TMEM151B: variants seen among roughly 807,000 people sequenced by gnomAD.
TMEM151B encodes the protein transmembrane protein 151B, also known as transmembrane protein 193.
A neutral mutation model predicts 33.0 loss-of-function variants in TMEM151B; 18 were observed. The ratio of observed to expected loss-of-function variants is 0.55; its 90% confidence interval spans 0.38 to 0.81. The LOEUF (loss-of-function observed/expected upper bound fraction) is 0.81. Ranked by LOEUF, TMEM151B falls within the 30% of genes least tolerant of loss-of-function variation. TMEM151B has a pLI of 0.00. For synonymous variants in TMEM151B, 354 were observed against 373.6 expected, an observed-to-expected ratio of 0.95 and a Z score of 0.61; for missense variants, 672 against 843.4, an observed-to-expected ratio of 0.80 and a Z score of 2.52.
chr6:44,274,922 T>C (rs572304332), intron 2 of TMEM151B, among the ~76,000 whole-genome samples: 1 of 151,892 alleles, frequency 6.6e-6, no homozygotes, highest in African/African-American at 2.4e-5. Context: ...ATCGAGACCA[T>C]TCTGGCCAAC....
chr6:44,275,997 G>T lies in TMEM151B; in HGVS notation c.1171G>T (p.Val391Leu), dbSNP rs1386789864. The change falls in exon 3 of 3, where the codon GTG becomes TTG. Residue 391 changes from valine (V) to leucine (L), a missense_variant. By Grantham distance (32) the Val-to-Leu change is conservative. Around this residue, in one of 3 missense-constraint regions of TMEM151B, gnomAD observed 324 missense variants for 363.1 expected, o/e 0.89. Transcript: ENST00000451188. ...GCTGGTGCCCAGCTACTCTGAGGCGGTGCTCATGGACCTGGCGGGGCTCGG... is the reference window on the plus strand; with the variant it reads ...GCTGGTGCCCAGCTACTCTGAGGCGTTGCTCATGGACCTGGCGGGGCTCGG... ...QQLVPSYSEAVLMDLAGLGTR... is the reference protein window; with the variant it reads ...QQLVPSYSEALLMDLAGLGTR... The T allele has an allele frequency of 7.0e-7, 1 of 1,424,018 alleles. No homozygotes were observed. The highest frequency in any genetic ancestry group is 2.7e-5 in the East Asian group (1 of 37,190). The allele number at this position is 1,424,018 out of a possible 1,614,324, so 88.2% of individuals were successfully genotyped here.
Position 44,276,049 on chromosome 6 carries a change from G to T in TMEM151B, c.1223G>T (p.Gly408Val). The change falls in exon 3 of 3, where the codon GGC becomes GTC. Residue 408 changes from glycine to valine, a missense_variant. By Grantham distance (109) the Gly-to-Val change is moderately radical (BLOSUM62 -3). Coordinates refer to ENST00000451188, the MANE Select transcript of TMEM151B (RefSeq NM_001137560.2). ...LGTRCGGAGGGYAPSCRYGGV... is the reference protein window; with the variant it reads ...LGTRCGGAGGVYAPSCRYGGV... ...ACGCGCTGCGGCGGGGCAGGCGGCG[G>T]CTACGCGCCCTCGTGCCGCTACGGT... 7.4e-7 allele frequency: 1 copy of T among 1,349,932 alleles called. No homozygotes were observed. Among genetic ancestry groups the T allele is most frequent in the South Asian group, 2.0e-5 (1 of 51,072 alleles). The allele number at this position is 1,349,932 out of a possible 1,614,324, so 83.6% of individuals were successfully genotyped here.
chr6:44,276,407 G>A lies in TMEM151B; in HGVS notation c.1581G>A (p.Pro527=), dbSNP rs1238533366. 1 of 1,513,190 alleles carries A rather than the reference G, an allele frequency of 6.6e-7. No individual in the cohort carries two copies. The allele number at this position is 1,513,190 out of a possible 1,614,324, so 93.7% of individuals were successfully genotyped here. Residue 527 remains proline, a synonymous_variant, in exon 3 of 3, where the codon CCG becomes CCA. Coordinates refer to ENST00000451188, the MANE Select transcript of TMEM151B (RefSeq NM_001137560.2). ...EDDDEEEAGP[P]PPYHDALYFP... is the part of the protein sequence containing the mutation. ...ACGACGAGGAGGAGGCCGGGCCGCC[G>A]CCGCCCTACCACGACGCCCTCTACT...
At chr6:44,273,649 G>A in intron 2 of TMEM151B, 143 bp downstream of exon 2, 2 of 915,816 alleles carry the variant, frequency 2.2e-6, no homozygotes, top group East Asian at 2.7e-5. Flanking sequence ...CAACAGCAGG[G>A]CAATAGCAAC....
Position 44,270,787 on chromosome 6 carries a change from C to A in TMEM151B, c.45C>A (p.Gly15=). 1 of 1,107,242 alleles carries A rather than the reference C, an allele frequency of 9.0e-7. No individual in the cohort carries two copies. 68.6% of individuals were successfully genotyped at this position (1,107,242 alleles called of 1,614,324 possible). Residue 15 remains glycine, a synonymous_variant, in exon 1 of 3, where the codon GGC becomes GGA. Coordinates refer to ENST00000451188, the MANE Select transcript of TMEM151B (RefSeq NM_001137560.2). ...GSAAGESAAG[G]GGGGGGPGVS... ...CCGCGGGAGAGAGCGCCGCCGGCGG[C>A]GGCGGCGGCGGTGGCGGCCCCGGGG...
At chr6:44,275,371 C>A in intron 2 of TMEM151B, 32 bp from the exon 3 acceptor site, 1 of 1,467,156 alleles carries the variant, frequency 6.8e-7, no homozygotes, top group Non-Finnish European at 9.0e-7. Context: ...ACGGGCTCCC[C>A]GCGACCCCGC....
intron 1 of TMEM151B, 62 bp from the exon 2 acceptor site, chr6:44,273,004 C>T: frequency 1.5e-6 from 2 of 1,370,444 alleles, no homozygotes; most frequent in Non-Finnish European, 1.9e-6. Context: ...CATCTCTGTG[C>T]TGGGTCCTGC....
chr6:44,276,562 G>T lies in TMEM151B; in HGVS notation c.*35G>T. ...CCGGAGTGGCCCGCGCCGTCCTCCC[G>T]CCTGCCCCTCGCCGGACTGTGCTCC... On this transcript the variant is annotated 3_prime_UTR_variant, in exon 3 of 3. Coordinates refer to ENST00000451188, the MANE Select transcript of TMEM151B (RefSeq NM_001137560.2). 1.5e-6 allele frequency: 2 copies of T among 1,335,690 alleles called. No individual in the cohort carries two copies. The highest frequency in any genetic ancestry group is 3.1e-5 in the African/African-American group (2 of 65,416). The allele number at this position is 1,335,690 out of a possible 1,614,324, so 82.7% of individuals were successfully genotyped here.
Position 44,273,438 on chromosome 6 carries a change from T to G in TMEM151B, c.508T>G (p.Tyr170Asp). 6.4e-7 allele frequency: 1 copy of G among 1,550,840 alleles called. No individual in the cohort carries two copies. ...CTGCATCTGGTGGAAGGCCATCAGC[T>G]ACCACTATGTCCGCCGCACCCGCCA... ...TPCIWWKAIS[Y>D]HYVRRTRQVT... Residue 170 changes from tyrosine to aspartate, a missense_variant, in exon 2 of 3, where the codon TAC becomes GAC. Transcript: ENST00000451188.
In TMEM151B at chr6:44,273,356, C is replaced by A; in HGVS notation, c.426C>A (p.His142Gln). The change falls in exon 2 of 3, where the codon CAC becomes CAA. Residue 142 changes from histidine (H) to glutamine (Q), a missense_variant. This residue lies in a region of TMEM151B where 285 missense variants were observed against 423.1 expected (regional missense o/e 0.67). Coordinates refer to ENST00000451188, the MANE Select transcript of TMEM151B (RefSeq NM_001137560.2). ...GCCAAGCCCGCCATGAGCTGCAGCA[C>A]CGTGTTGATGTGAGCAGTGTGCGGG... ...WHCQARHELQ[H>Q]RVDVSSVRER... 1 of 1,551,638 alleles carries A rather than the reference C, an allele frequency of 6.4e-7. No individual in the cohort carries two copies. Among genetic ancestry groups the A allele is most frequent in the Non-Finnish European group, 8.7e-7 (1 of 1,147,012 alleles).
chr6:44,273,671 T>C (rs892169690), intron 2 of TMEM151B, among the ~76,000 whole-genome samples, 165 bp downstream of exon 2: 12 of 152,236 alleles, frequency 7.9e-5, no homozygotes, highest in African/African-American at 2.9e-4. Context: ...ACCATAATCA[T>C]AACAGCAAAA....
Position 44,271,372 on chromosome 6 carries a change from G to GGGGGC in TMEM151B, c.135+499_135+500insCGGGG, listed in dbSNP as rs1234226495. 8.7e-4 allele frequency among the ~76,000 whole-genome samples: 104 copies of GGGGGC among 119,776 alleles called. 7 individuals are homozygous for GGGGGC. Among genetic ancestry groups the GGGGGC allele is most frequent in the African/African-American group, 3.2e-3 (97 of 30,084 alleles). 78.6% of individuals were successfully genotyped at this position (119,776 alleles called of 152,430 possible). On this transcript the variant is annotated intron_variant, in intron 1 of 2. Coordinates refer to ENST00000451188, the MANE Select transcript of TMEM151B (RefSeq NM_001137560.2). ...GGGAGTGTGTGTGTGTGTGTGTGGG[G>GGGGGC]GGGGGTGTGCACCTCTCTCTCACGA...
At position 44,276,503 on chromosome 6, in the gene TMEM151B, C is replaced by G. The variant is rs1365379508; in HGVS notation, c.1677C>G (p.Gly559=). 1.4e-6 allele frequency: 2 copies of G among 1,413,936 alleles called. No homozygotes were observed. Among genetic ancestry groups the G allele is most frequent in the South Asian group, 2.9e-5 (2 of 68,630 alleles). The allele number at this position is 1,413,936 out of a possible 1,614,324, so 87.6% of individuals were successfully genotyped here. ...GCCACCGGCCGCTGCACCGCCACGG[C>G]TCCTGCGTAGAGACCTCACTGTGAC... is the stretch of plus-strand genomic sequence containing the variant. ...GHSHRPLHRH[G]SCVETSL is the part of the protein sequence containing the mutation. The change falls in exon 3 of 3, where the codon GGC becomes GGG. Residue 559 remains glycine, a synonymous_variant. Coordinates refer to ENST00000451188, the MANE Select transcript of TMEM151B (RefSeq NM_001137560.2).
At chr6:44,275,244 G>T (rs1366774648) in intron 2 of TMEM151B, among the ~76,000 whole-genome samples, 159 bp from the exon 3 acceptor site, 2 of 152,224 alleles carry the variant, frequency 1.3e-5, no homozygotes, top group African/African-American at 4.8e-5. Flanking sequence ...AAGTCAGACG[G>T]AAAGATCCTA....
At chr6:44,274,966 A>T (rs1313692853) in intron 2 of TMEM151B, among the ~76,000 whole-genome samples, 1 of 151,960 alleles carries the variant, frequency 6.6e-6, no homozygotes, top group Non-Finnish European at 1.5e-5. Flanking sequence ...AAAACACAAA[A>T]AATTAGCCTG....
chr6:44,272,747 A>G (rs1782416846), intron 1 of TMEM151B, among the ~76,000 whole-genome samples: 2 of 151,854 alleles, frequency 1.3e-5, no homozygotes, highest in Non-Finnish European at 2.9e-5. Context: ...CATCCTATCC[A>G]TCTGTGTTTG....
intron 2 of TMEM151B, among the ~76,000 whole-genome samples, chr6:44,274,330 T>C (rs914180185): frequency 6.6e-6 from 1 of 152,220 alleles, no homozygotes; most frequent in Admixed American, 6.5e-5. Context: ...CTAAACTCAG[T>C]GACTTGTCCA....
chr6:44,274,813 G>T (rs1451733351), intron 2 of TMEM151B, among the ~76,000 whole-genome samples: 1 of 152,154 alleles, frequency 6.6e-6, no homozygotes, highest in Non-Finnish European at 1.5e-5. Flanking sequence ...GAGGAAGCAG[G>T]GCTTAGTTAA....
chr6:44,273,291 C>G lies in TMEM151B; in HGVS notation c.361C>G (p.Leu121Val), dbSNP rs1782437959. 1 of 1,551,666 alleles carries G rather than the reference C, an allele frequency of 6.4e-7. No homozygotes were observed. The highest frequency in any genetic ancestry group is 1.4e-5 in the African/African-American group (1 of 73,060). ...GYVYIPLAFL[L>V]MLYAVYLVEC... The stretch of plus-strand genomic sequence containing the variant: ...TGTCTACATCCCCCTGGCCTTCCTG[C>G]TCATGTTGTACGCCGTCTACCTGGT... Residue 121 changes from leucine (L) to valine (V), a missense_variant, in exon 2 of 3, where the codon CTC becomes GTC. Around this residue, in one of 3 missense-constraint regions of TMEM151B, gnomAD observed 285 missense variants for 423.1 expected, o/e 0.67. Coordinates refer to ENST00000451188, the MANE Select transcript of TMEM151B (RefSeq NM_001137560.2).
Sources: gnomAD v4.1 joint callset for allele counts (sites outside exome capture counted in the v4.1 genomes callset) on GRCh38, gnomAD v4.1.1 for gene constraint, gnomAD v4.1.1 regional missense constraint, MANE v1.5 for transcripts, NCBI Gene and HGNC (gene_info 2026-07-23, HGNC 2026-07-21) for gene names.